Variants in KPNA3 observed in about 807,000 individuals in gnomAD.
KPNA3 encodes the protein karyopherin subunit alpha 3, also known as importin subunit alpha-4.
A neutral mutation model predicts 73.8 loss-of-function variants in KPNA3; 13 were observed. That is an observed-to-expected ratio of 0.18 (90% CI 0.11 to 0.28). KPNA3 has a LOEUF of 0.28. KPNA3 is among the 10% of genes least tolerant of loss of function. The pLI is 1.00. For missense variants in KPNA3, 360 were observed against 618.1 expected (o/e 0.58, Z 4.43); for synonymous variants, 186 against 206.9 (o/e 0.90, Z 0.87).
intron 1 of KPNA3, among the ~76,000 whole-genome samples, chr13:49,753,493 C>G (rs1288916840): frequency 1.3e-5 from 2 of 152,154 alleles, no homozygotes; most frequent in Non-Finnish European, 2.9e-5. Flanking sequence ...CACCACACAA[C>G]CAAAATAACT....
chr13:49,755,998 T>C (rs1276994927), intron 1 of KPNA3, among the ~76,000 whole-genome samples: 1 of 152,232 alleles, frequency 6.6e-6, no homozygotes, highest in Non-Finnish European at 1.5e-5. Flanking sequence ...CCGGGTGTGG[T>C]GGCTCACATC....
At chr13:49,753,602 G>A (rs540812300) in intron 1 of KPNA3, among the ~76,000 whole-genome samples, 2 of 152,342 alleles carry the variant, frequency 1.3e-5, no homozygotes, top group African/African-American at 4.8e-5. Flanking sequence ...TCCCTGGGCC[G>A]TGAACTGGTG....
intron 12 of KPNA3, among the ~76,000 whole-genome samples, chr13:49,706,874 G>A (rs775212422): frequency 1.1e-4 from 16 of 151,784 alleles, no homozygotes; most frequent in Non-Finnish European, 2.2e-4. Context: ...TCAGTCTCCC[G>A]AGTAGCTGGG....
chr13:49,747,107 C>T (rs761711922), intron 1 of KPNA3, 114 bp from the exon 2 acceptor site: 8 of 658,132 alleles, frequency 1.2e-5, no homozygotes, highest in Non-Finnish European at 2.0e-5. Context: ...TTTGGGAGGC[C>T]GAGGCGGGCA....
At chr13:49,761,171 G>A (rs949509612) in intron 1 of KPNA3, among the ~76,000 whole-genome samples, 1 of 152,066 alleles carries the variant, frequency 6.6e-6, no homozygotes, top group Non-Finnish European at 1.5e-5. Flanking sequence ...ATGCAGTGCT[G>A]ATGTCATATA....
intron 1 of KPNA3, among the ~76,000 whole-genome samples, chr13:49,777,633 T>C (rs1954907987): frequency 6.6e-6 from 1 of 151,954 alleles, no homozygotes; most frequent in Admixed American, 6.6e-5. Flanking sequence ...CCCAAGGAGC[T>C]TGGACTACAG....
At chr13:49,753,453 C>T (rs1954683613) in intron 1 of KPNA3, among the ~76,000 whole-genome samples, 1 of 152,204 alleles carries the variant, frequency 6.6e-6, no homozygotes, top group Admixed American at 6.5e-5. Flanking sequence ...TTTATATGAG[C>T]ACTTTCTGAA....
Position 49,753,616 on chromosome 13 carries a change from G to A in KPNA3, c.70-6623C>T, listed in dbSNP as rs1367441237. On this transcript the variant is annotated intron_variant, in intron 1 of 16. Coordinates refer to ENST00000261667, the MANE Select transcript of KPNA3 (RefSeq NM_002267.4). ...ATCCCTGGGCCGTGAACTGGTGCCAGTCCATATAGCCTGTTAGGAGCCAGG... is the reference window on the plus strand; with the variant it reads ...ATCCCTGGGCCGTGAACTGGTGCCAATCCATATAGCCTGTTAGGAGCCAGG... Among the ~76,000 whole-genome samples, 5 of 152,348 alleles carry A rather than the reference G, an allele frequency of 3.3e-5. No homozygotes were observed. The East Asian group carries it at 7.7e-4, about 23-fold the overall frequency.
At chr13:49,705,085 G>A (rs1021724786) in intron 15 of KPNA3, among the ~76,000 whole-genome samples, 1 of 152,156 alleles carries the variant, frequency 6.6e-6, no homozygotes, top group Non-Finnish European at 1.5e-5. Flanking sequence ...CAGGCCAGGC[G>A]CAGTGGCTCA....
intron 1 of KPNA3, among the ~76,000 whole-genome samples, chr13:49,773,696 A>G (rs529036003): frequency 3.3e-5 from 5 of 152,346 alleles, no homozygotes; most frequent in Admixed American, 2.0e-4. Context: ...TGAGCAGTTC[A>G]TGTAAAAATG....
chr13:49,702,962 G>A (rs1445843458), intron 15 of KPNA3, among the ~76,000 whole-genome samples: 1 of 151,836 alleles, frequency 6.6e-6, no homozygotes, highest in Non-Finnish European at 1.5e-5. Context: ...TCCGCCTCCT[G>A]GGTTCATGCC....
At chr13:49,788,924 GA>G (rs1955008621) in intron 1 of KPNA3, among the ~76,000 whole-genome samples, 2 of 151,926 alleles carry the variant, frequency 1.3e-5, no homozygotes, top group African/African-American at 2.4e-5. Flanking sequence ...TCTCTTCAGT[GA>G]TCTTTATAAA....
chr13:49,757,787 C>A (rs975336875), intron 1 of KPNA3, among the ~76,000 whole-genome samples: 1 of 152,128 alleles, frequency 6.6e-6, no homozygotes, highest in Non-Finnish European at 1.5e-5. Context: ...ATCCTTCACG[C>A]TTAAACTGTG....
chr13:49,762,234 G>T (rs1027995165), intron 1 of KPNA3, among the ~76,000 whole-genome samples: 1 of 146,742 alleles, frequency 6.8e-6, no homozygotes, highest in Non-Finnish European at 1.5e-5. Context: ...CCGCCCCGTC[G>T]CGGAGGGAGG....
chr13:49,789,509 C>CTATAATTTATAATTTAT (rs1234648246), intron 1 of KPNA3, among the ~76,000 whole-genome samples: 2 of 152,042 alleles, frequency 1.3e-5, no homozygotes, highest in Non-Finnish European at 2.9e-5. Context: ...TCTTGTGTAT[C>CTATAATTTATAATTTAT]AGCTGCTTCT....
At chr13:49,733,104 C>T in intron 2 of KPNA3, 58 bp from the exon 3 acceptor site, 1 of 1,020,136 alleles carries the variant, frequency 9.8e-7, no homozygotes, top group Non-Finnish European at 1.5e-6. Context: ...AATGAAAAAT[C>T]CATTAAAACT....
At chr13:49,792,259 AGCCCGGCCGGCGTCTCGCCGCCCGCTCC>A (rs1318779330) in intron 1 of KPNA3, among the ~76,000 whole-genome samples, 151 bp downstream of exon 1, 23 of 151,370 alleles carry the variant, frequency 1.5e-4, no homozygotes, top group African/African-American at 5.6e-4. Context: ...GGGTGACTGC[AGCCCGGCCGGCGTCTCGCCGCCCGCTCC>A]GCCCAGCCCG....
intron 1 of KPNA3, among the ~76,000 whole-genome samples, chr13:49,784,505 T>G (rs144842398): frequency 2.6e-5 from 4 of 152,116 alleles, no homozygotes; most frequent in African/African-American, 9.7e-5. Flanking sequence ...CAGACTAAAG[T>G]TGGAAACAAT....
At chr13:49,751,749 A>C (rs1356983051) in intron 1 of KPNA3, among the ~76,000 whole-genome samples, 2 of 152,158 alleles carry the variant, frequency 1.3e-5, no homozygotes, top group East Asian at 1.9e-4. Context: ...CTCTACAAAA[A>C]AATTAAAAAT....
Sources: allele counts gnomAD v4.1 joint callset (sites outside exome capture counted in the v4.1 genomes callset), GRCh38; gene constraint gnomAD v4.1.1; transcripts MANE v1.5; gene names NCBI Gene and HGNC (gene_info 2026-07-23, HGNC 2026-07-21).